Variants in CACNA1E observed in about 807,000 individuals in gnomAD.
CACNA1E encodes the protein calcium voltage-gated channel subunit alpha1 E.
CACNA1E carries 40 observed loss-of-function variants against 259.2 expected under a neutral mutation model. The observed-to-expected ratio is 0.15, with a 90% CI of 0.12 to 0.20. The LOEUF is 0.20. CACNA1E is among the 10% of genes least tolerant of loss of function. The probability of loss-of-function intolerance (pLI) is 1.00; values close to 1 mark genes in which losing one functional copy is unlikely to be tolerated. For missense variants in CACNA1E, 1,874 were observed against 3,040.1 expected, an observed-to-expected ratio of 0.62 and a Z score of 9.02; for synonymous variants, 1,104 against 1,138.5, an observed-to-expected ratio of 0.97 and a Z score of 0.61.
At chr1:181,347,509 GC>G (rs1218986203) in intron 1 of CACNA1E, among the ~76,000 whole-genome samples, 1 of 152,194 alleles carries the variant, frequency 6.6e-6, no homozygotes, top group African/African-American at 2.4e-5. Context: ...TGCCCAAAGA[GC>G]ATCAGGGCCC....
At position 181,785,308 on chromosome 1, in the gene CACNA1E, G is replaced by A; in HGVS notation, c.5579-10G>A. 6.5e-7 allele frequency: 1 copy of A among 1,546,650 alleles called. No homozygotes were observed. The highest frequency in any genetic ancestry group is 8.9e-7 in the Non-Finnish European group (1 of 1,119,044). ...CCCTGTTCACCATCATGCCACATTT[G>A]TGTTTCTAGCCTCTGACCTGACTGT... is the stretch of plus-strand genomic sequence containing the variant. On this transcript the variant is annotated splice_polypyrimidine_tract_variant and intron_variant, in intron 41 of 47. Transcript: ENST00000367573.
At chr1:181,445,038 A>C (rs1660717741) in intron 2 of CACNA1E, among the ~76,000 whole-genome samples, 1 of 152,242 alleles carries the variant, frequency 6.6e-6, no homozygotes, top group African/African-American at 2.4e-5. Flanking sequence ...GTTCCTAAAC[A>C]AAACACAACA....
chr1:181,717,016 T>C (rs1653960892), intron 10 of CACNA1E, 77 bp from the exon 11 acceptor site: 1 of 1,219,690 alleles, frequency 8.2e-7, no homozygotes, highest in Non-Finnish European at 1.2e-6. Flanking sequence ...GAGCAGCCCA[T>C]CTTGCCCTTC....
intron 6 of CACNA1E, among the ~76,000 whole-genome samples, chr1:181,605,139 A>G (rs1340194851): frequency 6.6e-6 from 1 of 152,222 alleles, no homozygotes; most frequent in Admixed American, 6.5e-5. Context: ...ATGCTCATAC[A>G]TTCACGTGCT....
At chr1:181,674,223 CAAAAAAAA>C (rs58198967) in intron 7 of CACNA1E, among the ~76,000 whole-genome samples, 4 of 88,454 alleles carry the variant, frequency 4.5e-5, no homozygotes, top group East Asian at 4.2e-4. Flanking sequence ...ACTAAAAATA[CAAAAAAAA>C]AAAAAAAAAA....
intron 2 of CACNA1E, among the ~76,000 whole-genome samples, chr1:181,472,719 G>A (rs749376920): frequency 1.1e-4 from 17 of 152,194 alleles, no homozygotes; most frequent in Non-Finnish European, 1.8e-4. Flanking sequence ...AGATGCACGC[G>A]TGCGTGTGTG....
intron 1 of CACNA1E, among the ~76,000 whole-genome samples, chr1:181,366,508 G>T (rs1654276174): frequency 6.6e-6 from 1 of 151,650 alleles, no homozygotes; most frequent in Non-Finnish European, 1.5e-5. Flanking sequence ...CTCTTTTTTT[G>T]CAACTTGAGA....
intron 7 of CACNA1E, among the ~76,000 whole-genome samples, chr1:181,661,620 C>T (rs1289627005): frequency 6.6e-6 from 1 of 152,116 alleles, no homozygotes; most frequent in Non-Finnish European, 1.5e-5. Flanking sequence ...TGACTTTTGG[C>T]CAGTTCACAG....
At chr1:181,580,499 G>C in intron 5 of CACNA1E, 96 bp from the exon 6 acceptor site, 2 of 1,192,446 alleles carry the variant, frequency 1.7e-6, no homozygotes, top group Non-Finnish European at 2.5e-6. Flanking sequence ...CTTTCCGTGG[G>C]GGAATGGAAT....
At chr1:181,356,940 G>A (rs1653490724) in intron 1 of CACNA1E, among the ~76,000 whole-genome samples, 1 of 152,182 alleles carries the variant, frequency 6.6e-6, no homozygotes, top group African/African-American at 2.4e-5. Flanking sequence ...AACCACGGCA[G>A]CAAAGAGGCT....
At chr1:181,412,232 TA>T (rs2102143986) in intron 1 of CACNA1E, among the ~76,000 whole-genome samples, 1 of 152,084 alleles carries the variant, frequency 6.6e-6, no homozygotes, top group South Asian at 2.1e-4. Flanking sequence ...GCACAGGCAT[TA>T]AAAAAGGAGG....
intron 7 of CACNA1E, among the ~76,000 whole-genome samples, chr1:181,655,606 A>G (rs1659142518): frequency 6.6e-6 from 1 of 152,180 alleles, no homozygotes; most frequent in Admixed American, 6.5e-5. Flanking sequence ...AAAAATAAGG[A>G]AGTAATTGAA....
At chr1:181,431,062 GATA>G (rs1348748202) in intron 2 of CACNA1E, among the ~76,000 whole-genome samples, 1 of 151,782 alleles carries the variant, frequency 6.6e-6, no homozygotes, top group Non-Finnish European at 1.5e-5. Flanking sequence ...ATAGAAAAAT[GATA>G]TTCCAAAGAA....
intron 22 of CACNA1E, among the ~76,000 whole-genome samples, chr1:181,736,818 C>T (rs1403712048): frequency 6.6e-6 from 1 of 152,108 alleles, no homozygotes; most frequent in Non-Finnish European, 1.5e-5. Context: ...GACCAGATCA[C>T]CTGTTGGAGT....
chr1:181,470,035 G>C (rs1038058451), intron 2 of CACNA1E, among the ~76,000 whole-genome samples: 3 of 151,846 alleles, frequency 2.0e-5, no homozygotes, highest in African/African-American at 7.3e-5. Flanking sequence ...TTGGTTAAAA[G>C]ATTTACAGAG....
At chr1:181,777,975 C>G (rs1265570564) in intron 38 of CACNA1E, among the ~76,000 whole-genome samples, 2 of 152,168 alleles carry the variant, frequency 1.3e-5, no homozygotes, top group Non-Finnish European at 2.9e-5. Context: ...TCTTGGGATC[C>G]AAATGCTGTG....
chr1:181,708,319 G>A (rs1297441979), intron 7 of CACNA1E, among the ~76,000 whole-genome samples: 1 of 152,216 alleles, frequency 6.6e-6, no homozygotes, highest in East Asian at 1.9e-4. Context: ...AGTAGAAAGA[G>A]ATGAAATTTA....
At chr1:181,600,245 G>A (rs1358736086) in intron 6 of CACNA1E, among the ~76,000 whole-genome samples, 5 of 152,218 alleles carry the variant, frequency 3.3e-5, no homozygotes, top group Admixed American at 3.3e-4. Context: ...GGAGGCTTGA[G>A]CACTCTGAGG....
intron 1 of CACNA1E, among the ~76,000 whole-genome samples, chr1:181,508,104 G>C (rs1665862018): frequency 6.6e-6 from 1 of 151,966 alleles, no homozygotes; most frequent in Non-Finnish European, 1.5e-5. Context: ...AGAGTTACAA[G>C]GTGAAGCAAG....
Sources: gnomAD v4.1 joint callset for allele counts (sites outside exome capture counted in the v4.1 genomes callset) on GRCh38, gnomAD v4.1.1 for gene constraint, MANE v1.5 for transcripts, NCBI Gene and HGNC (gene_info 2026-07-23, HGNC 2026-07-21) for gene names.